NAV3: variants seen among roughly 807,000 people sequenced by gnomAD.
The protein encoded by NAV3 is neuron navigator 3, also known as pore membrane and/or filament interacting like protein 1.
In NAV3, 87 loss-of-function variants were observed where a neutral mutation model predicts 244.7. That is an observed-to-expected ratio of 0.36 (90% CI 0.30 to 0.42). The LOEUF is 0.42. Ranked by LOEUF, NAV3 falls within the 20% of genes least tolerant of loss-of-function variation. NAV3 has a pLI of 1.00. For synonymous variants in NAV3, 1,126 were observed against 1,042.2 expected (o/e 1.08, Z -1.55); for missense variants, 2,663 against 2,893.3 (o/e 0.92, Z 1.83).
At chr12:77,908,535 G>T (rs925631165) in intron 1 of NAV3, among the ~76,000 whole-genome samples, 2 of 151,932 alleles carry the variant, frequency 1.3e-5, no homozygotes, top group African/African-American at 4.8e-5. Context: ...ATATATCCCT[G>T]TTATTCTTTA....
intron 2 of NAV3, among the ~76,000 whole-genome samples, chr12:77,778,640 A>G (rs1870510977): frequency 6.6e-6 from 1 of 151,606 alleles, no homozygotes; most frequent in East Asian, 1.9e-4. Context: ...AAGAAAATGC[A>G]TTTATATTAA....
intron 24 of NAV3, among the ~76,000 whole-genome samples, chr12:78,169,483 ATTAT>A (rs1394507904): frequency 6.6e-6 from 1 of 151,730 alleles, no homozygotes; most frequent in African/African-American, 2.4e-5. Context: ...AGAAATGCTC[ATTAT>A]TAATATCGTG....
At chr12:78,137,426 T>C (rs1956421815) in intron 19 of NAV3, 61 bp downstream of exon 19, 4 of 1,474,534 alleles carry the variant, frequency 2.7e-6, no homozygotes, top group Non-Finnish European at 3.6e-6. Flanking sequence ...AGGGAAACCA[T>C]TGTGTCACTC....
chr12:77,578,407 C>A (rs764035345), intron 2 of NAV3, among the ~76,000 whole-genome samples: 6 of 152,210 alleles, frequency 3.9e-5, no homozygotes, highest in Middle Eastern at 3.4e-3. Flanking sequence ...AATGAAGTGG[C>A]CTTTAGTTTC....
intron 12 of NAV3, among the ~76,000 whole-genome samples, chr12:78,094,777 G>C (rs543259185): frequency 2.6e-5 from 4 of 152,036 alleles, no homozygotes; most frequent in African/African-American, 9.6e-5. Context: ...GGCCAGGCAT[G>C]GTGGCTCATG....
At chr12:77,835,715 G>A (rs938328674) in intron 1 of NAV3, among the ~76,000 whole-genome samples, 15 of 152,154 alleles carry the variant, frequency 9.9e-5, no homozygotes, top group Non-Finnish European at 7.4e-5. Context: ...AATTGGTATC[G>A]TCTCCTCCTG....
chr12:78,010,743 A>G (rs1342668984), intron 8 of NAV3: 1 of 151,976 alleles, frequency 6.6e-6, no homozygotes, highest in African/African-American at 2.4e-5. Context: ...ATATAAATGT[A>G]TACAGATACA....
At chr12:77,740,592 G>T (rs1868309893) in intron 2 of NAV3, among the ~76,000 whole-genome samples, 1 of 152,104 alleles carries the variant, frequency 6.6e-6, no homozygotes, top group East Asian at 1.9e-4. Context: ...CACTAATAAA[G>T]ATATGTTTCC....
At chr12:78,047,727 G>A (rs1301769340) in intron 9 of NAV3, among the ~76,000 whole-genome samples, 1 of 152,164 alleles carries the variant, frequency 6.6e-6, no homozygotes, top group Non-Finnish European at 1.5e-5. Flanking sequence ...GGTGGTCCCT[G>A]TATTTCCTGA....
At chr12:77,862,853 T>C (rs1355621592) in intron 1 of NAV3, among the ~76,000 whole-genome samples, 1 of 151,632 alleles carries the variant, frequency 6.6e-6, no homozygotes, top group Non-Finnish European at 1.5e-5. Context: ...AGGACCTGAA[T>C]AGGGAAAGGA....
At chr12:77,666,614 A>C (rs935263981) in intron 2 of NAV3, among the ~76,000 whole-genome samples, 1 of 152,214 alleles carries the variant, frequency 6.6e-6, no homozygotes, top group African/African-American at 2.4e-5. Flanking sequence ...ATTCTGCTCA[A>C]GGTATTAAAT....
chr12:78,195,899 A>C (rs1395637239), intron 34 of NAV3, among the ~76,000 whole-genome samples: 1 of 152,030 alleles, frequency 6.6e-6, no homozygotes, highest in African/African-American at 2.4e-5. Context: ...AACCAGCCTG[A>C]TTACCCTTTT....
At chr12:77,632,136 A>G (rs1817945535) in intron 2 of NAV3, among the ~76,000 whole-genome samples, 1 of 152,186 alleles carries the variant, frequency 6.6e-6, no homozygotes, top group Non-Finnish European at 1.5e-5. Flanking sequence ...CATAACTTGG[A>G]TGCTTAATCA....
intron 38 of NAV3, among the ~76,000 whole-genome samples, chr12:78,203,027 G>T (rs1331152508): frequency 6.6e-6 from 1 of 152,014 alleles, no homozygotes; most frequent in African/African-American, 2.4e-5. Flanking sequence ...AAACCTTATG[G>T]GGAATGCACT....
chr12:77,738,992 A>G (rs1325334564), intron 2 of NAV3, among the ~76,000 whole-genome samples: 1 of 132,452 alleles, frequency 7.5e-6, no homozygotes, highest in African/African-American at 2.8e-5. Context: ...AGCATGGGCG[A>G]CAGAGCGAGA....
intron 1 of NAV3, among the ~76,000 whole-genome samples, chr12:77,931,812 A>G (rs1466785120): frequency 6.6e-6 from 1 of 152,118 alleles, no homozygotes; most frequent in African/African-American, 2.4e-5. Context: ...GCTTGCAGTG[A>G]GCCGAGATCG....
intron 2 of NAV3, among the ~76,000 whole-genome samples, chr12:77,739,384 T>C (rs375848787): frequency 6.6e-6 from 1 of 151,652 alleles, no homozygotes; most frequent in Non-Finnish European, 1.5e-5. Context: ...TATCCTTTGC[T>C]GTGTATAGCG....
chr12:77,980,040 A>G (rs1242279), intron 5 of NAV3, among the ~76,000 whole-genome samples: 150,406 of 152,284 alleles, frequency 0.99, 74,310 homozygotes, highest in Middle Eastern at 1. Flanking sequence ...AGGAAGAGGA[A>G]TTGGTCAACA....
intron 12 of NAV3, among the ~76,000 whole-genome samples, chr12:78,070,266 A>G (rs929146773): frequency 3.9e-5 from 6 of 152,130 alleles, no homozygotes; most frequent in African/African-American, 4.8e-5. Context: ...TTTAATTCCC[A>G]TAACAACCTT....
Sources: allele counts gnomAD v4.1 joint callset (sites outside exome capture counted in the v4.1 genomes callset), GRCh38; gene constraint gnomAD v4.1.1; transcripts MANE v1.5; gene names NCBI Gene and HGNC (gene_info 2026-07-23, HGNC 2026-07-21).